Variants in LIN7B observed in about 807,000 individuals in gnomAD.
The protein encoded by LIN7B is lin-7 cell polarity scaffold B, also known as protein lin-7 homolog B.
In LIN7B, 16 loss-of-function variants were observed where a neutral mutation model predicts 27.9. The observed-to-expected ratio is 0.57, with a 90% CI of 0.39 to 0.87. LIN7B has a LOEUF of 0.87. Among genes scored for constraint, LIN7B ranks in the 40% least tolerant of loss-of-function variants. The probability of loss-of-function intolerance (pLI) is 0.00; values close to 1 mark genes in which losing one functional copy is unlikely to be tolerated. For missense variants in LIN7B, 291 were observed against 288.5 expected, an observed-to-expected ratio of 1.01 and a Z score of -0.06; for synonymous variants, 147 against 120.8, an observed-to-expected ratio of 1.22 and a Z score of -1.42.
rs2040824297 is a variant in LIN7B, at chr19:49,116,305, C to T, written c.271C>T (p.Pro91Ser). 2 of 1,614,058 alleles carry T rather than the reference C, an allele frequency of 1.2e-6. No homozygotes were observed. Among genetic ancestry groups the T allele is most frequent in the Non-Finnish European group, 1.7e-6 (2 of 1,180,030 alleles). ...AFTASEGHAH[P>S]RVVELPKTDE... ...CACAGCCAGCGAGGGCCACGCACAT[C>T]CCAGGGTAGTGGAGCTACCCAAGAC... is the stretch of plus-strand genomic sequence containing the variant. The change falls in exon 4 of 6, where the codon CCC becomes TCC. Residue 91 changes from proline to serine, a missense_variant. By Grantham distance (74) the Pro-to-Ser change is moderately conservative (BLOSUM62 -1). Coordinates refer to ENST00000221459, the MANE Select transcript of LIN7B (RefSeq NM_022165.3).
chr19:49,117,368 A>C (rs1245134260), intron 4 of LIN7B, among the ~76,000 whole-genome samples: 1 of 151,824 alleles, frequency 6.6e-6, no homozygotes, highest in African/African-American at 2.4e-5. Context: ...ACTTTGTCCC[A>C]TGGGTGCTGG....
rs911857060 is a variant in LIN7B, at chr19:49,115,064, G to C, written c.156+97G>C. ...AGCCCGGAGACTACGCCTCCCGGCAGCTCCCGAGGCGGCCCGCCTTGGGGT... is the reference window on the plus strand; with the variant it reads ...AGCCCGGAGACTACGCCTCCCGGCACCTCCCGAGGCGGCCCGCCTTGGGGT... On this transcript the variant is annotated intron_variant, in intron 2 of 5. Transcript: ENST00000221459. 5.3e-6 allele frequency: 5 copies of C among 951,988 alleles called. No individual in the cohort carries two copies. In the African/African-American group the frequency reaches 6.9e-5, roughly 13 times the overall value. 59.0% of individuals were successfully genotyped at this position (951,988 alleles called of 1,614,324 possible). A position where few individuals can be genotyped will look rare whatever the true frequency, so the allele number is the denominator to read the frequency against.
intron 1 of LIN7B, 71 bp from the exon 2 acceptor site, chr19:49,114,778 G>C (rs932599715): frequency 1.1e-6 from 1 of 919,850 alleles, no homozygotes; most frequent in African/African-American, 1.7e-5. Context: ...TCACTCCGCC[G>C]CTCTCCTTGC....
intron 4 of LIN7B, among the ~76,000 whole-genome samples, chr19:49,117,233 G>T (rs1181243479): frequency 7.4e-6 from 1 of 135,206 alleles, no homozygotes; most frequent in East Asian, 2.2e-4. Flanking sequence ...GTGACAGAGT[G>T]AGACTCCCTC....
chr19:49,114,499 C>T, intron 1 of LIN7B, 58 bp downstream of exon 1: 1 of 1,156,582 alleles, frequency 8.6e-7, no homozygotes, highest in Non-Finnish European at 1.1e-6. Flanking sequence ...ACCCAGCCCC[C>T]GGTCCCCGCC....
In LIN7B at chr19:49,116,261, AG is replaced by A. The variant is rs1238238732; in HGVS notation, c.229del. ...CATCTTCAGTCGCTTTCTCTCTCCCAGGCCACAGTGGCTGCCTTCACAGCCA... is the reference window on the plus strand; with the variant it reads ...CATCTTCAGTCGCTTTCTCTCTCCCAGCCACAGTGGCTGCCTTCACAGCCA... On this transcript the variant is annotated splice_acceptor_variant, in intron 3 of 5. Coordinates refer to ENST00000221459, the MANE Select transcript of LIN7B (RefSeq NM_022165.3). LOFTEE classifies it high-confidence loss of function. 1 of 1,612,102 alleles carries A rather than the reference AG, an allele frequency of 6.2e-7. No individual in the cohort carries two copies. Among genetic ancestry groups the A allele is most frequent in the Non-Finnish European group, 8.5e-7 (1 of 1,178,888 alleles).
At chr19:49,116,118 G>T (rs1296184116) in intron 3 of LIN7B, 145 bp from the exon 4 acceptor site, 4 of 631,890 alleles carry the variant, frequency 6.3e-6, no homozygotes, top group Non-Finnish European at 1.1e-5. Flanking sequence ...CATTACAGGG[G>T]GATCGTGCAT....
intron 4 of LIN7B, 100 bp from the exon 5 acceptor site, chr19:49,117,755 G>C (rs955364611): frequency 1.4e-5 from 14 of 1,035,322 alleles, no homozygotes; most frequent in Non-Finnish European, 1.6e-5. Flanking sequence ...TGACATCTCA[G>C]GGCTGGCACC....
intron 3 of LIN7B, 46 bp downstream of exon 3, chr19:49,115,377 G>C (rs887649108): frequency 6.7e-6 from 10 of 1,484,762 alleles, no homozygotes; most frequent in Non-Finnish European, 9.2e-6. Flanking sequence ...TAACTGCCTA[G>C]TCGAACTCAA....
intron 3 of LIN7B, chr19:49,115,735 CAA>C (rs1051931812): frequency 6.1e-6 from 1 of 163,070 alleles, no homozygotes; most frequent in Non-Finnish European, 1.3e-5. Flanking sequence ...CCTGTAATCC[CAA>C]CACTTTGGGA....
chr19:49,116,269 G>A lies in LIN7B; in HGVS notation c.235G>A (p.Val79Met). 1 of 1,613,052 alleles carries A rather than the reference G, an allele frequency of 6.2e-7. No individual in the cohort carries two copies. The highest frequency in any genetic ancestry group is 8.5e-7 in the Non-Finnish European group (1 of 1,179,408). ...IRAHATAKAT[V>M]AAFTASEGHA... ...GTCGCTTTCTCTCTCCCAGGCCACA[G>A]TGGCTGCCTTCACAGCCAGCGAGGG... The change falls in exon 4 of 6, where the codon GTG (valine) becomes ATG (methionine). Residue 79 changes from valine to methionine, a missense_variant. Transcript: ENST00000221459.
In LIN7B at chr19:49,117,904, C is replaced by G; in HGVS notation, c.488C>G (p.Ala163Gly). ...HEKAVELLKA[A>G]QGSVKLVVRY... ...AAGGCGGTGGAGCTGCTGAAGGCGGCCCAGGGCTCGGTGAAGCTGGTTGTC... is the reference window on the plus strand; with the variant it reads ...AAGGCGGTGGAGCTGCTGAAGGCGGGCCAGGGCTCGGTGAAGCTGGTTGTC... Residue 163 changes from alanine to glycine, a missense_variant, in exon 5 of 6, where the codon GCC becomes GGC. Physicochemically the swap from Ala to Gly is moderately conservative, Grantham distance 60 (BLOSUM62 0). Transcript: ENST00000221459. 6.2e-7 allele frequency: 1 copy of G among 1,613,942 alleles called. No individual in the cohort carries two copies. Among genetic ancestry groups the G allele is most frequent in the Non-Finnish European group, 8.5e-7 (1 of 1,179,908 alleles).
chr19:49,115,502 G>A, intron 3 of LIN7B, 171 bp downstream of exon 3: 1 of 616,216 alleles, frequency 1.6e-6, no homozygotes, highest in African/African-American at 1.9e-5. Context: ...TCATACTAAG[G>A]CATCTTTAGC....
Position 49,116,245 on chromosome 19 carries a change from T to G in LIN7B, c.229-18T>G. On this transcript the variant is annotated intron_variant, in intron 3 of 5. Transcript: ENST00000221459. ...ACCTGGAAGGGGCCCTCATCTTCAG[T>G]CGCTTTCTCTCTCCCAGGCCACAGT... 6.9e-6 allele frequency: 11 copies of G among 1,604,600 alleles called. No homozygotes were observed. Among genetic ancestry groups the G allele is most frequent in the Non-Finnish European group, 9.4e-6 (11 of 1,173,312 alleles).
At position 49,116,396 on chromosome 19, in the gene LIN7B, G is replaced by A; in HGVS notation, c.362G>A (p.Arg121Gln). The A allele has an allele frequency of 2.5e-6, 4 of 1,614,198 alleles. No individual in the cohort carries two copies. The highest frequency in any genetic ancestry group is 2.2e-5 in the East Asian group (1 of 44,890). The change falls in exon 4 of 6, where the codon CGG becomes CAG. Residue 121 changes from arginine to glutamine, a missense_variant. Arg to Gln is a conservative substitution (Grantham distance 43). Coordinates refer to ENST00000221459, the MANE Select transcript of LIN7B (RefSeq NM_022165.3). Reference protein sequence around the residue: ...KEQNSPIYISRVIPGGVADRH... With the variant: ...KEQNSPIYISQVIPGGVADRH... ...CAAAACTCGCCCATCTACATCTCCC[G>A]GGTCATCCCAGGGGGTGTGGCTGAC...
intron 5 of LIN7B, 112 bp downstream of exon 5, chr19:49,118,130 G>A: frequency 6.6e-7 from 1 of 1,514,650 alleles, no homozygotes. Flanking sequence ...CCTCCTCTGG[G>A]ATCCTGACCC....
chr19:49,116,540 ACATT>A, intron 4 of LIN7B, 68 bp downstream of exon 4: 1 of 1,379,288 alleles, frequency 7.3e-7, no homozygotes, highest in Non-Finnish European at 1.0e-6. Context: ...CCTGCTTTTG[ACATT>A]CACTCAACAC....
chr19:49,115,353 T>A (rs1425837717), intron 3 of LIN7B, 22 bp downstream of exon 3: 2 of 1,554,496 alleles, frequency 1.3e-6, no homozygotes, highest in Non-Finnish European at 1.7e-6. Flanking sequence ...ACCCCATTGC[T>A]CCTGGTGTCT....
chr19:49,116,269 G>C lies in LIN7B; in HGVS notation c.235G>C (p.Val79Leu). The change falls in exon 4 of 6, where the codon GTG (valine) becomes CTG (leucine). Residue 79 changes from valine (V) to leucine (L), a missense_variant. Transcript: ENST00000221459. ...GTCGCTTTCTCTCTCCCAGGCCACA[G>C]TGGCTGCCTTCACAGCCAGCGAGGG... The part of the protein sequence containing the change: ...IRAHATAKAT[V>L]AAFTASEGHA... The C allele has an allele frequency of 6.2e-7, 1 of 1,613,052 alleles. No homozygotes were observed. The highest frequency in any genetic ancestry group is 8.5e-7 in the Non-Finnish European group (1 of 1,179,408).
Sources: allele counts gnomAD v4.1 joint callset (sites outside exome capture counted in the v4.1 genomes callset), GRCh38; gene constraint gnomAD v4.1.1; transcripts MANE v1.5; gene names NCBI Gene and HGNC (gene_info 2026-07-23, HGNC 2026-07-21).